CNTN5: variants seen among roughly 807,000 people sequenced by gnomAD.
CNTN5 encodes the protein contactin-5.
A neutral mutation model predicts 129.1 loss-of-function variants in CNTN5; 77 were observed. That is an observed-to-expected ratio of 0.60 (90% confidence interval 0.50 to 0.72). The LOEUF (loss-of-function observed/expected upper bound fraction) is 0.72. CNTN5 is among the 30% of genes least tolerant of loss of function. CNTN5 has a pLI of 0.00. For missense variants in CNTN5, 1,478 were observed against 1,328.8 expected (o/e 1.11, Z -1.75); for synonymous variants, 509 against 465.6 (o/e 1.09, Z -1.20).
chr11:99,270,604 G>A (rs1863127153), intron 1 of CNTN5, among the ~76,000 whole-genome samples: 1 of 151,810 alleles, frequency 6.6e-6, no homozygotes, highest in Non-Finnish European at 1.5e-5. Flanking sequence ...CTCTACTAAG[G>A]TTCATCTTCA....
At chr11:99,958,663 A>G (rs1304350320) in intron 8 of CNTN5, among the ~76,000 whole-genome samples, 1 of 152,232 alleles carries the variant, frequency 6.6e-6, no homozygotes, top group Non-Finnish European at 1.5e-5. Flanking sequence ...TGGAAAATAA[A>G]GAAATGCAGT....
At chr11:99,068,327 TATAGG>T (rs1865188500) in intron 1 of CNTN5, among the ~76,000 whole-genome samples, 1 of 152,180 alleles carries the variant, frequency 6.6e-6, no homozygotes, top group Non-Finnish European at 1.5e-5. Context: ...TGTCATGGGA[TATAGG>T]ATAGGAGTAT....
At chr11:99,261,498 C>A (rs1462784911) in intron 1 of CNTN5, among the ~76,000 whole-genome samples, 1 of 151,900 alleles carries the variant, frequency 6.6e-6, no homozygotes, top group Non-Finnish European at 1.5e-5. Context: ...TGTCAGTAAC[C>A]TCCAAAATAA....
chr11:99,741,467 T>G (rs912678579), intron 3 of CNTN5, among the ~76,000 whole-genome samples: 1 of 152,124 alleles, frequency 6.6e-6, no homozygotes, highest in Non-Finnish European at 1.5e-5. Flanking sequence ...GAAAGGGATA[T>G]CTCTGTGGTA....
intron 13 of CNTN5, among the ~76,000 whole-genome samples, chr11:100,121,121 C>T (rs1946007259): frequency 6.6e-6 from 1 of 151,874 alleles, no homozygotes; most frequent in African/African-American, 2.4e-5. Flanking sequence ...CAATGGGGTG[C>T]AGAAGCTTAC....
At chr11:99,096,189 C>G (rs1866461277) in intron 1 of CNTN5, among the ~76,000 whole-genome samples, 1 of 151,736 alleles carries the variant, frequency 6.6e-6, no homozygotes, top group East Asian at 1.9e-4. Flanking sequence ...CATTAAAGTT[C>G]ATTGGTTTTG....
At chr11:99,253,281 G>C (rs1482298235) in intron 1 of CNTN5, among the ~76,000 whole-genome samples, 3 of 151,990 alleles carry the variant, frequency 2.0e-5, no homozygotes, top group Admixed American at 6.6e-5. Context: ...CTCCCACCAT[G>C]ATGTGAGGCC....
chr11:99,945,104 A>G (rs1950525509), intron 7 of CNTN5, among the ~76,000 whole-genome samples: 1 of 152,104 alleles, frequency 6.6e-6, no homozygotes, highest in Admixed American at 6.6e-5. Flanking sequence ...TACAGGTATG[A>G]CAGCAAACCA....
At chr11:99,373,306 G>A (rs1405423089) in intron 2 of CNTN5, among the ~76,000 whole-genome samples, 3 of 152,134 alleles carry the variant, frequency 2.0e-5, no homozygotes, top group African/African-American at 7.2e-5. Flanking sequence ...GATAAGAGAA[G>A]AAAATAATGA....
intron 3 of CNTN5, among the ~76,000 whole-genome samples, chr11:99,717,755 G>A (rs867184853): frequency 6.6e-6 from 1 of 151,970 alleles, no homozygotes; most frequent in Non-Finnish European, 1.5e-5. Context: ...TTCTTCAAAT[G>A]CATATAGAGG....
chr11:100,177,957 A>G (rs1032190485), intron 13 of CNTN5, among the ~76,000 whole-genome samples: 1 of 152,126 alleles, frequency 6.6e-6, no homozygotes, highest in African/African-American at 2.4e-5. Flanking sequence ...GCATAAAAAA[A>G]CCTGCCAGGG....
intron 3 of CNTN5, among the ~76,000 whole-genome samples, chr11:99,573,697 T>G (rs1169662263): frequency 6.6e-6 from 1 of 152,102 alleles, no homozygotes; most frequent in African/African-American, 2.4e-5. Flanking sequence ...TGGCGTGATC[T>G]TGGCTCACTG....
chr11:99,819,433 T>C, intron 3 of CNTN5, 111 bp from the exon 4 acceptor site: 1 of 844,996 alleles, frequency 1.2e-6, no homozygotes, highest in South Asian at 1.7e-5. Context: ...TGAATTTGCT[T>C]GCAGCTCCAA....
chr11:100,231,019 G>A (rs1481488342), intron 16 of CNTN5, among the ~76,000 whole-genome samples: 1 of 152,152 alleles, frequency 6.6e-6, no homozygotes, highest in African/African-American at 2.4e-5. Context: ...CTTAGTGTGT[G>A]GGCTTGTATT....
At chr11:99,615,267 A>G (rs964577273) in intron 3 of CNTN5, among the ~76,000 whole-genome samples, 3 of 151,956 alleles carry the variant, frequency 2.0e-5, no homozygotes, top group Non-Finnish European at 4.4e-5. Flanking sequence ...ATTGGGCTCT[A>G]ATTGTACTTT....
At chr11:99,389,411 T>C (rs887774732) in intron 2 of CNTN5, among the ~76,000 whole-genome samples, 2 of 152,192 alleles carry the variant, frequency 1.3e-5, no homozygotes, top group South Asian at 4.1e-4. Flanking sequence ...AGAAAAATTC[T>C]ACTTGTACCT....
In CNTN5 at chr11:99,511,751, G is replaced by A. The variant is rs558640825; in HGVS notation, c.-70-44394G>A. Among the ~76,000 whole-genome samples, 4 of 151,944 alleles carry A rather than the reference G, an allele frequency of 2.6e-5. No individual in the cohort carries two copies. In the South Asian group the frequency reaches 8.3e-4, roughly 32 times the overall value. ...CCTGTATTGGGTGCATATATATTTAGCATGGCACATGTATACATATGTAAC... is the reference window on the plus strand; with the variant it reads ...CCTGTATTGGGTGCATATATATTTAACATGGCACATGTATACATATGTAAC... On this transcript the variant is annotated intron_variant, in intron 2 of 24. Transcript: ENST00000524871.
chr11:99,207,246 C>T lies in CNTN5; in HGVS notation c.-209-118100C>T, dbSNP rs147451827. On this transcript the variant is annotated intron_variant, in intron 1 of 24. Coordinates refer to ENST00000524871, the MANE Select transcript of CNTN5 (RefSeq NM_014361.4). The stretch of plus-strand genomic sequence containing the variant: ...AAACTGTTTGCAATACTGTACAGGA[C>T]GCATCTGAAGCATGTACCACATACA... Among the ~76,000 whole-genome samples the T allele has an allele frequency of 1.3e-3, 199 of 152,160 alleles. 1 individual carries two copies. Among genetic ancestry groups the T allele is most frequent in the African/African-American group, 4.5e-3 (187 of 41,530 alleles).
chr11:100,195,469 T>G (rs1427791330), intron 15 of CNTN5, among the ~76,000 whole-genome samples: 1 of 151,964 alleles, frequency 6.6e-6, no homozygotes, highest in Admixed American at 6.6e-5. Context: ...GCTGTATTCT[T>G]CTTTGCATAT....
Sources: allele counts gnomAD v4.1 joint callset (sites outside exome capture counted in the v4.1 genomes callset), GRCh38; gene constraint gnomAD v4.1.1; transcripts MANE v1.5; gene names NCBI Gene and HGNC (gene_info 2026-07-23, HGNC 2026-07-21).